The following SAMD12 variants were observed in gnomAD, a reference collection of about 807,000 sequenced individuals.
SAMD12 encodes the protein sterile alpha motif domain-containing protein 12.
A neutral mutation model predicts 15.0 loss-of-function variants in SAMD12; 9 were observed. The ratio of observed to expected loss-of-function variants is 0.60; its 90% CI spans 0.36 to 1.05. The LOEUF (loss-of-function observed/expected upper bound fraction) is 1.05, where lower values mean the gene tolerates loss of function less well. Ranked by LOEUF, SAMD12 falls within the 50% of genes least tolerant of loss-of-function variation. The pLI is 0.01. For synonymous variants in SAMD12, 86 were observed against 90.1 expected (o/e 0.96, Z 0.25); for missense variants, 230 against 234.2 (o/e 0.98, Z 0.12).
exon 5 of SAMD12, chr8:118,194,119 AG>A (rs1819487561): frequency 6.6e-6 from 1 of 152,194 alleles, no homozygotes; most frequent in Admixed American, 6.5e-5. Flanking sequence ...GCAAGTAACA[AG>A]GGGGATCCAT....
At chr8:118,293,544 C>T (rs1814533350) in intron 4 of SAMD12, among the ~76,000 whole-genome samples, 1 of 152,206 alleles carries the variant, frequency 6.6e-6, no homozygotes, top group Non-Finnish European at 1.5e-5. Flanking sequence ...TGGTTTTCCT[C>T]AGCAATTTAT....
intron 4 of SAMD12, among the ~76,000 whole-genome samples, chr8:118,200,634 A>C (rs946162019): frequency 6.6e-6 from 1 of 152,016 alleles, no homozygotes; most frequent in Non-Finnish European, 1.5e-5. Flanking sequence ...CATCTTTGAA[A>C]TCTTTCCATG....
chr8:118,494,340 A>G (rs571762989), intron 2 of SAMD12, among the ~76,000 whole-genome samples: 40 of 152,338 alleles, frequency 2.6e-4, no homozygotes, highest in Non-Finnish European at 5.1e-4. Context: ...TTGTGTTTTT[A>G]TCCACTATGT....
chr8:118,620,854 A>C (rs1354053484), intron 1 of SAMD12: 1 of 152,244 alleles, frequency 6.6e-6, no homozygotes, highest in African/African-American at 2.4e-5. Context: ...CTGCACTCAG[A>C]AACCAAAATT....
intron 2 of SAMD12, among the ~76,000 whole-genome samples, chr8:118,553,530 T>C (rs1279327193): frequency 2.0e-5 from 3 of 151,980 alleles, no homozygotes; most frequent in Non-Finnish European, 4.4e-5. Flanking sequence ...CAAAAATCAA[T>C]TCAAGATGGA....
chr8:118,576,563 G>A (rs969036977), intron 2 of SAMD12, among the ~76,000 whole-genome samples: 9 of 152,172 alleles, frequency 5.9e-5, no homozygotes, highest in Admixed American at 2.0e-4. Flanking sequence ...ATACTTCGCA[G>A]CATAGGTCAA....
At chr8:118,425,147 C>G (rs1822188536) in intron 3 of SAMD12, among the ~76,000 whole-genome samples, 1 of 152,036 alleles carries the variant, frequency 6.6e-6, no homozygotes, top group Admixed American at 6.6e-5. Flanking sequence ...ACCGTGTTAG[C>G]CAGGATGGTC....
intron 2 of SAMD12, among the ~76,000 whole-genome samples, chr8:118,486,755 A>C (rs866477847): frequency 1.3e-5 from 2 of 152,194 alleles, no homozygotes; most frequent in Admixed American, 6.5e-5. Context: ...GTATTGACTA[A>C]GGTACAGGAA....
the SAMD12 span, among the ~76,000 whole-genome samples, chr8:118,145,634 C>T: frequency 2.6e-5 from 4 of 152,212 alleles, no homozygotes; most frequent in African/African-American, 9.6e-5. Flanking sequence ...GAGAGTAAGC[C>T]GTGAACGTGA....
rs116059452 is a variant in SAMD12, at chr8:118,526,324, T to A, written c.192+54391A>T. ...ACCTCAACCATCTGGCTCATGATAT[T>A]AAGAGGTCTCTAAAGAGTCACCAAG... On this transcript the variant is annotated intron_variant, in intron 2 of 3. Transcript: ENST00000314727. Among the ~76,000 whole-genome samples the A allele has an allele frequency of 4.2e-3, 642 of 152,190 alleles. 1 individual carries two copies. Among genetic ancestry groups the A allele is most frequent in the African/African-American group, 0.015 (611 of 41,536 alleles).
intron 4 of SAMD12, among the ~76,000 whole-genome samples, chr8:118,320,672 T>TTGG (rs532457785): frequency 4.7e-5 from 4 of 85,280 alleles, no homozygotes; most frequent in African/African-American, 1.5e-4. Flanking sequence ...TGTCGTGGGG[T>TTGG]GGGGGGGGTG....
chr8:118,140,247 A>T, the SAMD12 span, among the ~76,000 whole-genome samples: 1 of 152,076 alleles, frequency 6.6e-6, no homozygotes, highest in Non-Finnish European at 1.5e-5. Context: ...ACCTCAATAT[A>T]ACCTCCAGAA....
intron 4 of SAMD12, among the ~76,000 whole-genome samples, chr8:118,310,763 G>A (rs774257950): frequency 5.6e-4 from 86 of 152,246 alleles, no homozygotes; most frequent in Middle Eastern, 6.8e-3. Flanking sequence ...TTCCTCTAGC[G>A]CTTCCAACAA....
chr8:118,438,789 T>C (rs1277232746), intron 3 of SAMD12, among the ~76,000 whole-genome samples: 2 of 152,184 alleles, frequency 1.3e-5, no homozygotes, highest in Non-Finnish European at 2.9e-5. Flanking sequence ...TCGAGAATGC[T>C]GAGCTATTTC....
At chr8:118,605,761 T>C (rs1392943484) in intron 1 of SAMD12, among the ~76,000 whole-genome samples, 12 of 109,728 alleles carry the variant, frequency 1.1e-4, no homozygotes, top group African/African-American at 4.2e-4. Flanking sequence ...AACAAACCCA[T>C]CACAATATAT....
the SAMD12 span, among the ~76,000 whole-genome samples, chr8:118,178,667 TG>T: frequency 6.6e-6 from 1 of 152,006 alleles, no homozygotes; most frequent in Non-Finnish European, 1.5e-5. Flanking sequence ...GATTTCACCA[TG>T]TTGGCCAGGC....
At chr8:118,385,289 T>C (rs1586642503) in intron 3 of SAMD12, among the ~76,000 whole-genome samples, 6 of 152,280 alleles carry the variant, frequency 3.9e-5, no homozygotes, top group African/African-American at 7.2e-5. Context: ...ATCTAAGCAG[T>C]TGAAGGCCTG....
chr8:118,225,023 T>TCATG (rs1812157623), intron 4 of SAMD12, among the ~76,000 whole-genome samples: 2 of 152,210 alleles, frequency 1.3e-5, no homozygotes, highest in African/African-American at 4.8e-5. Context: ...AACTGGGAAT[T>TCATG]CATGAAAAGG....
intron 2 of SAMD12, among the ~76,000 whole-genome samples, chr8:118,578,114 C>T (rs1827196615): frequency 6.6e-6 from 1 of 152,136 alleles, no homozygotes; most frequent in South Asian, 2.1e-4. Flanking sequence ...TAAACGGAAA[C>T]ATACAATATC....
Sources: gnomAD v4.1 joint callset for allele counts (sites outside exome capture counted in the v4.1 genomes callset) on GRCh38, gnomAD v4.1.1 for gene constraint, MANE v1.5 for transcripts, NCBI Gene and HGNC (gene_info 2026-07-23, HGNC 2026-07-21) for gene names.